The following DNHD1 variants were observed in gnomAD, a reference collection of about 807,000 sequenced individuals.
DNHD1 encodes dynein heavy chain domain 1.
A neutral mutation model predicts 458.1 loss-of-function variants in DNHD1; 383 were observed. The observed-to-expected ratio is 0.84, with a 90% CI of 0.77 to 0.91. DNHD1 has a LOEUF of 0.91. DNHD1 is among the 40% of genes least tolerant of loss of function. The probability of loss-of-function intolerance (pLI) is 0.00; values close to 1 mark genes in which losing one functional copy is unlikely to be tolerated. For synonymous variants in DNHD1, 2,203 were observed against 2,376.9 expected (o/e 0.93, Z 2.13); for missense variants, 5,336 against 5,866.1 (o/e 0.91, Z 2.95).
At position 6,502,788 on chromosome 11, in the gene DNHD1, C is replaced by G; in HGVS notation, c.782C>G (p.Ala261Gly). ...QLDYEVPREK[A>G]FQKSSTGFSP... is the part of the protein sequence containing the mutation. ...GACTATGAAGTTCCCAGGGAAAAGG[C>G]CTTCCAAAAGAGCAGCACCGGCTTT... Residue 261 changes from alanine to glycine, a missense_variant, in exon 4 of 43, where the codon GCC becomes GGC. Physicochemically the swap from Ala to Gly is moderately conservative, Grantham distance 60. Transcript: ENST00000254579. 6.2e-7 allele frequency: 1 copy of G among 1,607,442 alleles called. No homozygotes were observed. The highest frequency in any genetic ancestry group is 1.7e-4 in the Middle Eastern group (1 of 6,034).
At position 6,548,132 on chromosome 11, in the gene DNHD1, T is replaced by C; in HGVS notation, c.6906-78T>C. 1 of 1,543,952 alleles carries C rather than the reference T, an allele frequency of 6.5e-7. No homozygotes were observed. The highest frequency in any genetic ancestry group is 8.8e-7 in the Non-Finnish European group (1 of 1,140,200). On this transcript the variant is annotated intron_variant, in intron 22 of 42. Coordinates refer to ENST00000254579, the MANE Select transcript of DNHD1 (RefSeq NM_144666.3). This position sits in a 1 kb window ranked among gnomAD's most constrained non-coding sequence, Gnocchi z 4.4. Reference sequence around the variant, plus strand: ...CCCACATGACATCACTGTTAGGGTATGGTGGAGTGTGTGAGTGTGTCATAA... The same window carrying C: ...CCCACATGACATCACTGTTAGGGTACGGTGGAGTGTGTGAGTGTGTCATAA...
At position 6,558,059 on chromosome 11, in the gene DNHD1, G is replaced by C; in HGVS notation, c.8764G>C (p.Ala2922Pro). The C allele has an allele frequency of 9.0e-6, 14 of 1,551,700 alleles. No homozygotes were observed. The highest frequency in any genetic ancestry group is 1.2e-5 in the Non-Finnish European group (14 of 1,146,994). ...TCATCTACCATCTGGGTCAGAGGAG[G>C]CCATTCTCCAATGTCTACGAGATGC... is the stretch of plus-strand genomic sequence containing the variant. ...FFHLPSGSEE[A>P]ILQCLRDASW... Residue 2922 changes from alanine to proline, a missense_variant, in exon 25 of 43, where the codon GCC becomes CCC. Transcript: ENST00000254579.
chr11:6,570,183 T>C, intron 40 of DNHD1, 64 bp from the exon 41 acceptor site: 1 of 1,613,554 alleles, frequency 6.2e-7, no homozygotes, highest in Non-Finnish European at 8.5e-7. Flanking sequence ...AATTCACAGC[T>C]TTGGTTTTGG....
Position 6,547,156 on chromosome 11 carries a change from C to G in DNHD1, c.6217C>G (p.Gln2073Glu). ...GQCNNMGQKR[Q>E]TEESIGIQHW... The stretch of plus-strand genomic sequence containing the variant: ...GTGTAACAACATGGGCCAAAAGAGG[C>G]AGACAGAGGAATCAATCGGGATCCA... The change falls in exon 21 of 43, where the codon CAG becomes GAG. Residue 2073 changes from glutamine to glutamate, a missense_variant. Gln to Glu is a conservative substitution (Grantham distance 29). This residue lies in a region of DNHD1 where 3,932 missense variants were observed against 4,365.6 expected (regional missense o/e 0.90). Coordinates refer to ENST00000254579, the MANE Select transcript of DNHD1 (RefSeq NM_144666.3). The G allele has an allele frequency of 6.4e-7, 1 of 1,551,768 alleles. No individual in the cohort carries two copies. Among genetic ancestry groups the G allele is most frequent in the African/African-American group, 1.4e-5 (1 of 73,174 alleles).
chr11:6,525,176 A>G (rs1852685647), intron 10 of DNHD1, among the ~76,000 whole-genome samples: 2 of 152,328 alleles, frequency 1.3e-5, no homozygotes, highest in South Asian at 4.1e-4. Context: ...GGCAAGGTTA[A>G]CAAGAGAGCT....
chr11:6,528,486 G>A, intron 10 of DNHD1, 36 bp from the exon 11 acceptor site: 2 of 1,528,236 alleles, frequency 1.3e-6, no homozygotes, highest in Non-Finnish European at 1.8e-6. Flanking sequence ...GGCTCTGGAG[G>A]GTACTCACGG....
chr11:6,544,949 A>T lies in DNHD1; in HGVS notation c.4010A>T (p.Glu1337Val), dbSNP rs1853175147. 1.9e-6 allele frequency: 3 copies of T among 1,551,522 alleles called. No individual in the cohort carries two copies. Among genetic ancestry groups the T allele is most frequent in the Admixed American group, 2.0e-5 (1 of 50,982 alleles). ...CAACTGCTGCAAGCAGGATCGGTGG[A>T]GCTGGAGGGCATCATCATGAGTCTG... The part of the protein sequence containing the change: ...LQQLLQAGSV[E>V]LEGIIMSLES... Residue 1337 changes from glutamate to valine, a missense_variant, in exon 21 of 43, where the codon GAG (glutamate) becomes GTG (valine). Physicochemically the swap from Glu to Val is moderately radical, Grantham distance 121. Around this residue, in one of 4 missense-constraint regions of DNHD1, gnomAD observed 3,932 missense variants for 4,365.6 expected, o/e 0.90. Coordinates refer to ENST00000254579, the MANE Select transcript of DNHD1 (RefSeq NM_144666.3).
Position 6,571,638 on chromosome 11 carries a change from GGA to G in DNHD1, c.13917_13918del (p.Asn4640TrpfsTer55). 1 of 1,573,174 alleles carries G rather than the reference GGA, an allele frequency of 6.4e-7. No homozygotes were observed. Among genetic ancestry groups the G allele is most frequent in the East Asian group, 2.3e-5 (1 of 43,644 alleles). Reference protein sequence around the residue: ...MNSNPLHFRVENGPNPTVPER... With the variant: ...MNSNPLHFRVXNGPNPTVPER... ...TGACCAGCTTCTGACGCCCCCAGGTGGAGAATGGTCCAAATCCCACGGTTCCA... is the reference window on the plus strand; with the variant it reads ...TGACCAGCTTCTGACGCCCCCAGGTGGAATGGTCCAAATCCCACGGTTCCA... On this transcript the variant is annotated frameshift_variant, in exon 43 of 43. Coordinates refer to ENST00000254579, the MANE Select transcript of DNHD1 (RefSeq NM_144666.3). LOFTEE classifies it low-confidence loss of function (END_TRUNC). This position sits in a 1 kb window ranked among gnomAD's most constrained non-coding sequence, Gnocchi z 5.0.
In DNHD1 at chr11:6,519,616, A is replaced by T. The variant is rs1377471263; in HGVS notation, c.1409A>T (p.Tyr470Phe). ...TGCTCACAGGTTCACGAGGACACAT[A>T]CCACATGCAACAGTGCCTACAGGAG... ...SILRLVHEDT[Y>F]HMQQCLQERV... Residue 470 changes from tyrosine (Y) to phenylalanine (F), a missense_variant, in exon 8 of 43, where the codon TAC (tyrosine) becomes TTC (phenylalanine). Physicochemically the swap from Tyr to Phe is conservative, Grantham distance 22. Coordinates refer to ENST00000254579, the MANE Select transcript of DNHD1 (RefSeq NM_144666.3). 1 of 1,614,100 alleles carries T rather than the reference A, an allele frequency of 6.2e-7. No individual in the cohort carries two copies. Among genetic ancestry groups the T allele is most frequent in the Non-Finnish European group, 8.5e-7 (1 of 1,180,004 alleles).
Position 6,563,429 on chromosome 11 carries a change from C to A in DNHD1, c.9717C>A (p.Asp3239Glu). ...CTCTGAGCCAGCTGCAGGTGGCTGA[C>A]TTTGAGGAGATACGGAGCTATCGAG... ...LEPLSQLQVADFEEIRSYRAP... is the reference protein window; with the variant it reads ...LEPLSQLQVAEFEEIRSYRAP... The change falls in exon 30 of 43, where the codon GAC (aspartate) becomes GAA (glutamate). Residue 3239 changes from aspartate to glutamate, a missense_variant. By Grantham distance (45) the Asp-to-Glu change is conservative. Coordinates refer to ENST00000254579, the MANE Select transcript of DNHD1 (RefSeq NM_144666.3). The A allele has an allele frequency of 6.4e-7, 1 of 1,551,706 alleles. No homozygotes were observed. The highest frequency in any genetic ancestry group is 8.7e-7 in the Non-Finnish European group (1 of 1,146,990).
Position 6,564,810 on chromosome 11 carries a change from C to A in DNHD1, c.10756+6C>A. The A allele has an allele frequency of 6.7e-7, 1 of 1,503,248 alleles. No individual in the cohort carries two copies. The highest frequency in any genetic ancestry group is 8.9e-7 in the Non-Finnish European group (1 of 1,118,928). 93.1% of individuals were successfully genotyped at this position (1,503,248 alleles called of 1,614,324 possible). On this transcript the variant is annotated splice_donor_region_variant and intron_variant, in intron 32 of 42. Coordinates refer to ENST00000254579, the MANE Select transcript of DNHD1 (RefSeq NM_144666.3). ...AGCCCTCACTGAGGGTAGAGGTAAG[C>A]AGGCATAATAAATGCAATGCTTCCG...
chr11:6,550,540 C>T (rs2134436430), intron 24 of DNHD1, among the ~76,000 whole-genome samples: 1 of 152,110 alleles, frequency 6.6e-6, no homozygotes, highest in East Asian at 1.9e-4. Flanking sequence ...ACAAAAACCC[C>T]CAGAAAATAA....
intron 10 of DNHD1, among the ~76,000 whole-genome samples, chr11:6,524,756 A>G (rs1852675812): frequency 6.6e-6 from 1 of 152,180 alleles, no homozygotes; most frequent in Non-Finnish European, 1.5e-5. Context: ...CGTCTATTAT[A>G]TGGGCCTGAG....
chr11:6,517,656 T>C (rs916500393), intron 7 of DNHD1, among the ~76,000 whole-genome samples: 4 of 49,424 alleles, frequency 8.1e-5, no homozygotes, highest in Non-Finnish European at 1.5e-4. Flanking sequence ...GGACTTCTTT[T>C]TTTTTTTTTT....
intron 19 of DNHD1, 123 bp downstream of exon 19, chr11:6,544,369 C>G: frequency 8.3e-7 from 1 of 1,211,068 alleles, no homozygotes; most frequent in Non-Finnish European, 1.1e-6. Flanking sequence ...GGACCTCCTT[C>G]AGGGCTGTTT....
At chr11:6,534,361 G>T in intron 14 of DNHD1, 188 bp downstream of exon 14, 1 of 642,794 alleles carries the variant, frequency 1.6e-6, no homozygotes, top group Non-Finnish European at 2.6e-6. Flanking sequence ...CATGGCAGGT[G>T]TTGTGCTTAG....
chr11:6,563,763 C>T lies in DNHD1; in HGVS notation c.9923C>T (p.Ala3308Val), dbSNP rs898570538. 2 of 1,551,524 alleles carry T rather than the reference C, an allele frequency of 1.3e-6. No individual in the cohort carries two copies. Among genetic ancestry groups the T allele is most frequent in the Non-Finnish European group, 8.7e-7 (1 of 1,146,952 alleles). ...ATAAAGTTACATCTAATTCTGAAGG[C>T]TCCAGGTATGGACGATGCAGCCCTG... The part of the protein sequence containing the change: ...ELIKLHLILK[A>V]PGMDDAALRA... The change falls in exon 31 of 43, where the codon GCT becomes GTT. Residue 3308 changes from alanine to valine, a missense_variant. Physicochemically the swap from Ala to Val is moderately conservative, Grantham distance 64. This residue lies in a region of DNHD1 where 3,932 missense variants were observed against 4,365.6 expected (regional missense o/e 0.90). Transcript: ENST00000254579.
Position 6,520,061 on chromosome 11 carries a change from C to T in DNHD1, c.1744C>T (p.Leu582=). 6.2e-7 allele frequency: 1 copy of T among 1,614,206 alleles called. No individual in the cohort carries two copies. The part of the protein sequence containing the change: ...VPCVENMIQT[L]TGGLQSVKTS... ...CTGTGTTGAAAATATGATCCAGACT[C>T]TAACTGGAGGCCTACAGTCTGTCAA... The change falls in exon 9 of 43, where the codon CTA becomes TTA. Residue 582 remains leucine (L), a synonymous_variant. Coordinates refer to ENST00000254579, the MANE Select transcript of DNHD1 (RefSeq NM_144666.3).
Position 6,533,687 on chromosome 11 carries a change from G to GAAGCCAATGA in DNHD1, c.2514_2523dup (p.Gln842SerfsTer3), listed in dbSNP as rs1413276945. On this transcript the variant is annotated frameshift_variant, in exon 14 of 43. Transcript: ENST00000254579. LOFTEE classifies it high-confidence loss of function. ...CATGCTGTAATTCCTGCAGTTGAATGAAGCCAATGAACAGTACGTCGAGCT... is the reference window on the plus strand; with the variant it reads ...CATGCTGTAATTCCTGCAGTTGAATGAAGCCAATGAAAGCCAATGAACAGTACGTCGAGCT... 6.5e-7 allele frequency: 1 copy of GAAGCCAATGA among 1,543,844 alleles called. No homozygotes were observed. Among genetic ancestry groups the GAAGCCAATGA allele is most frequent in the Non-Finnish European group, 8.8e-7 (1 of 1,141,518 alleles).
Sources: gnomAD v4.1 joint callset for allele counts (sites outside exome capture counted in the v4.1 genomes callset) on GRCh38, gnomAD v4.1.1 for gene constraint, gnomAD v4.1.1 regional missense constraint, Gnocchi (gnomAD v3.1) non-coding constraint, MANE v1.5 for transcripts, NCBI Gene and HGNC (gene_info 2026-07-23, HGNC 2026-07-21) for gene names.